The following MBNL2 variants were observed in gnomAD, a reference collection of about 807,000 sequenced individuals.
MBNL2 encodes muscleblind like splicing regulator 2, also known as muscleblind-like protein 2.
MBNL2 carries 17 observed loss-of-function variants against 41.9 expected under a neutral mutation model. That is an observed-to-expected ratio of 0.41 (90% CI 0.28 to 0.61). MBNL2 has a LOEUF of 0.61. Ranked by LOEUF, MBNL2 falls within the 20% of genes least tolerant of loss-of-function variation. The pLI is 0.35. For synonymous variants in MBNL2, 195 were observed against 182.9 expected (o/e 1.07, Z -0.53); for missense variants, 336 against 505.6 (o/e 0.66, Z 3.22).
chr13:97,307,344 T>C (rs1013863981), intron 2 of MBNL2, among the ~76,000 whole-genome samples: 4 of 152,042 alleles, frequency 2.6e-5, no homozygotes, highest in Admixed American at 2.0e-4. Context: ...AAGCCTTAAA[T>C]TGGTTCCAGT....
chr13:97,237,422 T>C (rs1355561706), intron 1 of MBNL2, among the ~76,000 whole-genome samples: 1 of 152,250 alleles, frequency 6.6e-6, no homozygotes, highest in Non-Finnish European at 1.5e-5. Flanking sequence ...GAGAAAATTA[T>C]TTCTTAAGTC....
chr13:97,152,468 A>C, the MBNL2 span, among the ~76,000 whole-genome samples: 1 of 152,190 alleles, frequency 6.6e-6, no homozygotes, highest in Non-Finnish European at 1.5e-5. Context: ...AATGGATAAA[A>C]AAGGCCCAAG....
At chr13:97,171,461 C>T in the MBNL2 span, among the ~76,000 whole-genome samples, 3 of 152,072 alleles carry the variant, frequency 2.0e-5, no homozygotes, top group Non-Finnish European at 4.4e-5. Context: ...ATCATTAGAG[C>T]TGTAAAAAAA....
At chr13:97,384,468 G>C (rs2065764382) in intron 8 of MBNL2, among the ~76,000 whole-genome samples, 1 of 152,174 alleles carries the variant, frequency 6.6e-6, no homozygotes, top group South Asian at 2.1e-4. Flanking sequence ...TCTCAGGCAA[G>C]ATCAGGGCAT....
chr13:97,200,729 C>T, the MBNL2 span, among the ~76,000 whole-genome samples: 25 of 152,044 alleles, frequency 1.6e-4, no homozygotes, highest in Admixed American at 9.8e-4. Context: ...CACTGAAAGA[C>T]GAATGAAGGA....
rs1052847629 is a variant in MBNL2, at chr13:97,343,270, T to C, written c.540+54T>C. On this transcript the variant is annotated intron_variant, in intron 4 of 8. Transcript: ENST00000679496. ...TGCATTTGTGGTAGAAATATACTTC[T>C]GTGTAAGTGATTGCTTGTAAGATAT... 44 of 1,280,962 alleles carry C rather than the reference T, an allele frequency of 3.4e-5. No homozygotes were observed. The African/African-American group carries it at 6.5e-4, about 19-fold the overall frequency. The allele number at this position is 1,280,962 out of a possible 1,614,324, so 79.3% of individuals were successfully genotyped here. A position where few individuals can be genotyped will look rare whatever the true frequency, so the allele number is the denominator to read the frequency against.
chr13:97,204,818 C>T, the MBNL2 span, among the ~76,000 whole-genome samples: 11 of 152,034 alleles, frequency 7.2e-5, no homozygotes, highest in African/African-American at 2.4e-4. Context: ...GTGGCTCAGG[C>T]CTGTAACCCC....
At chr13:97,335,862 T>A (rs961320147) in intron 3 of MBNL2, among the ~76,000 whole-genome samples, 1 of 152,224 alleles carries the variant, frequency 6.6e-6, no homozygotes, top group Non-Finnish European at 1.5e-5. Flanking sequence ...CATGTATAAT[T>A]TATGGTTCTC....
intron 1 of MBNL2, among the ~76,000 whole-genome samples, chr13:97,239,410 G>A (rs1262585581): frequency 6.6e-6 from 1 of 152,204 alleles, no homozygotes; most frequent in Non-Finnish European, 1.5e-5. Flanking sequence ...TGGCTGAAGT[G>A]TTTTAGTATT....
chr13:97,176,791 A>AT, the MBNL2 span, among the ~76,000 whole-genome samples: 6 of 152,172 alleles, frequency 3.9e-5, no homozygotes, highest in South Asian at 2.1e-4. Flanking sequence ...GGTATATTAT[A>AT]TTTTTTCAAT....
chr13:97,346,222 A>T lies in MBNL2; in HGVS notation c.541-582A>T, dbSNP rs1460648959. On this transcript the variant is annotated intron_variant, in intron 4 of 8. Transcript: ENST00000679496. This position sits in a 1 kb window ranked among gnomAD's most constrained non-coding sequence, Gnocchi z 4.2. Reference sequence around the variant, plus strand: ...AATTGCAGTTTTTACCATTAAAAATAATGATAGATTAACAGATAATAGATG... The same window carrying T: ...AATTGCAGTTTTTACCATTAAAAATTATGATAGATTAACAGATAATAGATG... Among the ~76,000 whole-genome samples, 1 of 151,340 alleles carries T rather than the reference A, an allele frequency of 6.6e-6. No individual in the cohort carries two copies. The highest frequency in any genetic ancestry group is 1.5e-5 in the Non-Finnish European group (1 of 68,000).
At chr13:97,243,334 G>A (rs867084934) in intron 1 of MBNL2, among the ~76,000 whole-genome samples, 3 of 152,076 alleles carry the variant, frequency 2.0e-5, no homozygotes, top group Non-Finnish European at 4.4e-5. Context: ...AGCATGTGTC[G>A]GATGCTGTAC....
At chr13:97,259,153 T>C (rs181646498) in intron 1 of MBNL2, among the ~76,000 whole-genome samples, 202 of 152,250 alleles carry the variant, frequency 1.3e-3, no homozygotes, top group Non-Finnish European at 2.1e-3. Flanking sequence ...ACTGCCCCCA[T>C]TCAAGTTAGA....
the MBNL2 span, among the ~76,000 whole-genome samples, chr13:97,192,852 G>T: frequency 6.6e-6 from 1 of 152,246 alleles, no homozygotes; most frequent in Admixed American, 6.5e-5. Context: ...GGTGTGTATG[G>T]ATGTCCAGTA....
intron 8 of MBNL2, among the ~76,000 whole-genome samples, chr13:97,380,823 C>T (rs915446858): frequency 3.9e-5 from 6 of 152,062 alleles, no homozygotes; most frequent in Non-Finnish European, 7.4e-5. Context: ...ATTTTGCCGA[C>T]GATTGGCTAT....
At chr13:97,156,826 T>C in the MBNL2 span, among the ~76,000 whole-genome samples, 3 of 152,150 alleles carry the variant, frequency 2.0e-5, no homozygotes, top group Non-Finnish European at 2.9e-5. Context: ...AAATCAGGTA[T>C]TGTGATGCCT....
intron 2 of MBNL2, among the ~76,000 whole-genome samples, chr13:97,286,517 G>C (rs145303092): frequency 1.2e-4 from 18 of 152,162 alleles, no homozygotes; most frequent in Non-Finnish European, 2.1e-4. Flanking sequence ...AGCACTCAGC[G>C]ATCCTTTTAA....
At chr13:97,381,080 CCT>C (rs1363254051) in intron 8 of MBNL2, among the ~76,000 whole-genome samples, 1 of 149,628 alleles carries the variant, frequency 6.7e-6, no homozygotes, top group Non-Finnish European at 1.5e-5. Context: ...TCTATCTCTC[CCT>C]CTCTGTCCCT....
chr13:97,253,944 C>T (rs1304908992), intron 1 of MBNL2, among the ~76,000 whole-genome samples: 2 of 152,006 alleles, frequency 1.3e-5, no homozygotes, highest in Non-Finnish European at 2.9e-5. Flanking sequence ...TTGCCCAGTA[C>T]AGTGGCATGA....
Sources: allele counts gnomAD v4.1 joint callset (sites outside exome capture counted in the v4.1 genomes callset), GRCh38; gene constraint gnomAD v4.1.1; non-coding constraint Gnocchi (gnomAD v3.1); transcripts MANE v1.5; gene names NCBI Gene and HGNC (gene_info 2026-07-23, HGNC 2026-07-21).